Variants in DCTN3 observed in about 807,000 individuals in gnomAD.
The protein encoded by DCTN3 is dynactin subunit 3.
DCTN3 carries 25 observed loss-of-function variants against 28.4 expected under a neutral mutation model. The observed-to-expected ratio is 0.88, with a 90% confidence interval of 0.64 to 1.23. The LOEUF is 1.23. Ranked by LOEUF, DCTN3 falls within the 50% of genes most tolerant of loss-of-function variation. DCTN3 has a pLI of 0.00. For missense variants in DCTN3, 229 were observed against 232.0 expected (o/e 0.99, Z 0.08); for synonymous variants, 81 against 91.4 (o/e 0.89, Z 0.65).
At position 34,617,714 on chromosome 9, in the gene DCTN3, T is replaced by C. The variant is rs970523176; in HGVS notation, c.268+171A>G. 4.0e-6 allele frequency: 6 copies of C among 1,506,030 alleles called. No individual in the cohort carries two copies. The African/African-American group carries it at 7.0e-5, about 17-fold the overall frequency. The allele number at this position is 1,506,030 out of a possible 1,614,324, so 93.3% of individuals were successfully genotyped here. A position where few individuals can be genotyped will look rare whatever the true frequency, so the allele number is the denominator to read the frequency against. On this transcript the variant is annotated intron_variant, in intron 3 of 6. Coordinates refer to ENST00000259632, the MANE Select transcript of DCTN3 (RefSeq NM_007234.5). Reference sequence around the variant, plus strand: ...TGGTGCAGAGGTATACTGTACTCAATGTCTACTAGAGGATCCATAGGATCC... The same window carrying C: ...TGGTGCAGAGGTATACTGTACTCAACGTCTACTAGAGGATCCATAGGATCC...
At chr9:34,613,945 G>A in intron 6 of DCTN3, 74 bp from the exon 7 acceptor site, 1 of 1,613,010 alleles carries the variant, frequency 6.2e-7, no homozygotes, top group Non-Finnish European at 8.5e-7. Context: ...GGCAAACATA[G>A]GTGGGTAGGA....
At chr9:34,615,964 A>G in intron 4 of DCTN3, 66 bp downstream of exon 4, 2 of 1,325,094 alleles carry the variant, frequency 1.5e-6, no homozygotes, top group South Asian at 1.2e-5. Context: ...AACACAGGAA[A>G]GTCTTGCCCA....
chr9:34,614,109 G>A lies in DCTN3; in HGVS notation c.412-8C>T, dbSNP rs775834355. 1.2e-6 allele frequency: 2 copies of A among 1,614,074 alleles called. No individual in the cohort carries two copies. Among genetic ancestry groups the A allele is most frequent in the Non-Finnish European group, 1.7e-6 (2 of 1,179,950 alleles). The stretch of plus-strand genomic sequence containing the variant: ...GATTTCCACACACTGGTCCTGTAGG[G>A]CCAAAGTGTAGCACAGAAAGGAACT... On this transcript the variant is annotated splice_region_variant and splice_polypyrimidine_tract_variant and intron_variant, in intron 5 of 6. Transcript: ENST00000259632.
chr9:34,615,520 G>A (rs1173738182), intron 4 of DCTN3: 1 of 152,288 alleles, frequency 6.6e-6, no homozygotes, highest in Non-Finnish European at 1.5e-5. Context: ...GCTTAGGCTA[G>A]TGTTCTCAGG....
intron 4 of DCTN3, 102 bp from the exon 5 acceptor site, chr9:34,614,870 A>C: frequency 7.0e-7 from 1 of 1,421,936 alleles, no homozygotes; most frequent in Admixed American, 1.8e-5. Flanking sequence ...TTGAGTGGAG[A>C]AGCTAAACAA....
chr9:34,618,161 G>A (rs1156825598), intron 2 of DCTN3, among the ~76,000 whole-genome samples, 190 bp from the exon 3 acceptor site: 1 of 151,940 alleles, frequency 6.6e-6, no homozygotes, highest in Non-Finnish European at 1.5e-5. Flanking sequence ...CTCTTCTCTT[G>A]AAGTCTCTTC....
chr9:34,613,955 A>AT lies in DCTN3; in HGVS notation c.472-85dup. ...GAACAGGCAAACATAGGTGGGTAGG[A>AT]TAGGATGAGAGAGAGCTAGAGGTGG... On this transcript the variant is annotated intron_variant, in intron 6 of 6. Transcript: ENST00000259632. 1.9e-6 allele frequency: 3 copies of AT among 1,611,972 alleles called. No individual in the cohort carries two copies. The South Asian group carries it at 3.3e-5, about 18-fold the overall frequency.
chr9:34,619,598 C>G (rs1820505273), intron 1 of DCTN3, among the ~76,000 whole-genome samples: 1 of 152,104 alleles, frequency 6.6e-6, no homozygotes, highest in African/African-American at 2.4e-5. Flanking sequence ...GAAGGAAAAC[C>G]AGGAGGGTCA....
chr9:34,613,834 T>G lies in DCTN3; in HGVS notation c.509A>C (p.Glu170Ala). The stretch of plus-strand genomic sequence containing the variant: ...GGCGGCCTCTAGCTGGCAAAGTAGC[T>G]CATCCCACTGCACGAATTGCTTGGA... ...LLSKQFVQWD[E>A]LLCQLEAATQ... Residue 170 changes from glutamate (E) to alanine (A), a missense_variant, in exon 7 of 7, where the codon GAG becomes GCG. Coordinates refer to ENST00000259632, the MANE Select transcript of DCTN3 (RefSeq NM_007234.5). 3 of 1,614,182 alleles carry G rather than the reference T, an allele frequency of 1.9e-6. No homozygotes were observed. Among genetic ancestry groups the G allele is most frequent in the Non-Finnish European group, 2.5e-6 (3 of 1,180,020 alleles).
intron 3 of DCTN3, chr9:34,617,669 C>G (rs1820452422): frequency 6.8e-6 from 10 of 1,472,468 alleles, no homozygotes; most frequent in Non-Finnish European, 9.1e-6. Context: ...CCCACTGTGG[C>G]TGGCACCATG....
rs908106921 is a variant in DCTN3 at position 34,616,673 on chromosome 9, T to C, written c.269-560A>G. ...TGAAATCCATAGAGTGGGAAGGGTA[T>C]TCAAGAGAGAGGACTGTTACGTGCA... On this transcript the variant is annotated intron_variant, in intron 3 of 6. Coordinates refer to ENST00000259632, the MANE Select transcript of DCTN3 (RefSeq NM_007234.5). This position sits in a 1 kb window ranked among gnomAD's most constrained non-coding sequence, Gnocchi z 4.7. The C allele has an allele frequency of 2.0e-5, 3 of 152,556 alleles. No homozygotes were observed. Among genetic ancestry groups the C allele is most frequent in the African/African-American group, 7.2e-5 (3 of 41,446 alleles). The allele number at this position is 152,556 out of a possible 1,614,324, so 9.5% of individuals were successfully genotyped here.
chr9:34,616,718 G>A lies in DCTN3; in HGVS notation c.269-605C>T, dbSNP rs1342742593. On this transcript the variant is annotated intron_variant, in intron 3 of 6. Transcript: ENST00000259632. This position sits in a 1 kb window ranked among gnomAD's most constrained non-coding sequence, Gnocchi z 4.7. ...CGTGCAAATGCTTAGAGGCAGGAATGCCTGTCAATTAGTAGAGGAGAAAGA... is the reference window on the plus strand; with the variant it reads ...CGTGCAAATGCTTAGAGGCAGGAATACCTGTCAATTAGTAGAGGAGAAAGA... 1 of 152,326 alleles carries A rather than the reference G, an allele frequency of 6.6e-6. No homozygotes were observed. The highest frequency in any genetic ancestry group is 1.5e-5 in the Non-Finnish European group (1 of 68,116). 9.4% of individuals were successfully genotyped at this position (152,326 alleles called of 1,614,324 possible).
intron 2 of DCTN3, 30 bp from the exon 3 acceptor site, chr9:34,618,001 T>C (rs371140674): frequency 2.0e-4 from 318 of 1,605,754 alleles, no homozygotes; most frequent in Middle Eastern, 1.2e-3. Context: ...GAAAATGGAA[T>C]AGGGTTGGGC....
rs1390821649 is a variant in DCTN3, at chr9:34,620,445, AAGTC to A, written c.16_19del (p.Asp6CysfsTer48). The A allele has an allele frequency of 7.1e-6, 11 of 1,554,396 alleles. No homozygotes were observed. The highest frequency in any genetic ancestry group is 9.6e-6 in the Non-Finnish European group (11 of 1,149,624). On this transcript the variant is annotated frameshift_variant, in exon 1 of 7. Transcript: ENST00000259632. LOFTEE classifies it high-confidence loss of function. ...TTCCACTCGGGCCTGTAGCCGCTGC[AAGTC>A]AGTCAGACCCGCCATCGCTACTACC... is the stretch of plus-strand genomic sequence containing the variant.
chr9:34,614,772 T>C lies in DCTN3; in HGVS notation c.353-4A>G, dbSNP rs75929392. ...CGGGCAGCATGCTCAGGAACGGCTGTAAAACACAACACACACTGCTGGATG... is the reference window on the plus strand; with the variant it reads ...CGGGCAGCATGCTCAGGAACGGCTGCAAAACACAACACACACTGCTGGATG... On this transcript the variant is annotated splice_region_variant and splice_polypyrimidine_tract_variant and intron_variant, in intron 4 of 6. Transcript: ENST00000259632. 5.0e-6 allele frequency: 8 copies of C among 1,613,832 alleles called. No individual in the cohort carries two copies. In the East Asian group the frequency reaches 1.6e-4, roughly 31 times the overall value.
At chr9:34,618,105 C>T (rs1820465932) in intron 2 of DCTN3, 134 bp from the exon 3 acceptor site, 1 of 788,750 alleles carries the variant, frequency 1.3e-6, no homozygotes, top group Non-Finnish European at 2.0e-6. Flanking sequence ...GCCACATGAG[C>T]AGGGCTCCAC....
chr9:34,614,028 A>G lies in DCTN3; in HGVS notation c.471+14T>C, dbSNP rs754788515. The G allele has an allele frequency of 1.2e-6, 2 of 1,606,190 alleles. No homozygotes were observed. The highest frequency in any genetic ancestry group is 1.7e-6 in the Non-Finnish European group (2 of 1,174,086). On this transcript the variant is annotated intron_variant, in intron 6 of 6. Coordinates refer to ENST00000259632, the MANE Select transcript of DCTN3 (RefSeq NM_007234.5). ...ACAGCACCCATTAGGGTCCTAGTTG[A>G]GCAGAAAGGATACAGTCTTGTTGTA...
intron 5 of DCTN3, 120 bp from the exon 6 acceptor site, chr9:34,614,221 C>A (rs1820369777): frequency 6.3e-7 from 1 of 1,587,464 alleles, no homozygotes; most frequent in South Asian, 1.1e-5. Context: ...ACGCTTAACC[C>A]CAAAGCCAAA....
Position 34,620,458 on chromosome 9 carries a change from C to G in DCTN3, c.7G>C (p.Gly3Arg), listed in dbSNP as rs752277002. 6.4e-7 allele frequency: 1 copy of G among 1,551,216 alleles called. No individual in the cohort carries two copies. The highest frequency in any genetic ancestry group is 1.2e-5 in the South Asian group (1 of 84,368). Residue 3 changes from glycine (G) to arginine (R), a missense_variant, in exon 1 of 7, where the codon GGT (glycine) becomes CGT (arginine). Transcript: ENST00000259632. MA[G>R]LTDLQRLQAR... ...TGTAGCCGCTGCAAGTCAGTCAGAC[C>G]CGCCATCGCTACTACCGACCCACCT... is the stretch of plus-strand genomic sequence containing the variant.
Sources: gnomAD v4.1 joint callset for allele counts (sites outside exome capture counted in the v4.1 genomes callset) on GRCh38, gnomAD v4.1.1 for gene constraint, Gnocchi (gnomAD v3.1) non-coding constraint, MANE v1.5 for transcripts, NCBI Gene and HGNC (gene_info 2026-07-23, HGNC 2026-07-21) for gene names.